The following SLC35F4 variants were observed in gnomAD, a reference collection of about 807,000 sequenced individuals.
SLC35F4 encodes the protein chromosome 14 open reading frame 36.
In SLC35F4, 24 loss-of-function variants were observed where a neutral mutation model predicts 44.2. The observed-to-expected ratio is 0.54, with a 90% CI of 0.39 to 0.76. The LOEUF is 0.76. Among genes scored for constraint, SLC35F4 ranks in the 30% least tolerant of loss-of-function variants. The pLI, the probability that SLC35F4 is intolerant of heterozygous loss-of-function variation, is 0.00. For synonymous variants in SLC35F4, 238 were observed against 223.6 expected (o/e 1.06, Z -0.57); for missense variants, 562 against 586.1 (o/e 0.96, Z 0.42).
chr14:57,956,910 T>C (rs1165396782), intron 1 of SLC35F4, among the ~76,000 whole-genome samples: 1 of 152,126 alleles, frequency 6.6e-6, no homozygotes, highest in Non-Finnish European at 1.5e-5. Flanking sequence ...GAACCAGAAA[T>C]ACCATTTGAC....
intron 1 of SLC35F4, among the ~76,000 whole-genome samples, chr14:57,673,722 A>G (rs1261847404): frequency 6.6e-6 from 1 of 152,056 alleles, no homozygotes; most frequent in African/African-American, 2.4e-5. Flanking sequence ...TTTTTTGAGG[A>G]AAACATATGA....
chr14:57,734,876 T>G (rs142424432), intron 1 of SLC35F4, among the ~76,000 whole-genome samples: 1 of 152,202 alleles, frequency 6.6e-6, no homozygotes. Context: ...CAGTATAAAA[T>G]AAGTCCCCAT....
In SLC35F4 at chr14:57,582,444, T is replaced by G. The variant is rs1487965550; in HGVS notation, c.588-1011A>C. 2.0e-5 allele frequency among the ~76,000 whole-genome samples: 3 copies of G among 152,240 alleles called. No homozygotes were observed. In the East Asian group the frequency reaches 5.8e-4, roughly 29 times the overall value. On this transcript the variant is annotated intron_variant, in intron 3 of 7. Transcript: ENST00000556826. ...CTCAAACTCTTAAGCTCAGGTGATCTGCTCACCTTGGCCTCCCAAAGTGCT... is the reference window on the plus strand; with the variant it reads ...CTCAAACTCTTAAGCTCAGGTGATCGGCTCACCTTGGCCTCCCAAAGTGCT...
intron 1 of SLC35F4, chr14:57,799,282 C>G (rs1448350991): frequency 1.3e-5 from 2 of 152,382 alleles, no homozygotes; most frequent in African/African-American, 4.8e-5. Flanking sequence ...TCCCACAGAT[C>G]TGTGCAACCC....
intron 1 of SLC35F4, among the ~76,000 whole-genome samples, chr14:57,900,256 C>T (rs1271585515): frequency 1.3e-5 from 2 of 152,214 alleles, no homozygotes; most frequent in Non-Finnish European, 2.9e-5. Context: ...GAACTTTCAA[C>T]CTCATCTCCA....
chr14:57,786,639 C>A (rs1198675394), intron 1 of SLC35F4, among the ~76,000 whole-genome samples: 1 of 152,174 alleles, frequency 6.6e-6, no homozygotes, highest in African/African-American at 2.4e-5. Flanking sequence ...GGTAGACTCA[C>A]TGAGTGGCTA....
chr14:57,700,830 AG>A (rs2075518440), intron 1 of SLC35F4, among the ~76,000 whole-genome samples: 1 of 152,090 alleles, frequency 6.6e-6, no homozygotes, highest in Non-Finnish European at 1.5e-5. Context: ...ACCTGAGCCT[AG>A]GGAGGCAGGT....
intron 1 of SLC35F4, among the ~76,000 whole-genome samples, chr14:57,699,334 G>A (rs1268495049): frequency 1.3e-5 from 2 of 152,130 alleles, no homozygotes; most frequent in Non-Finnish European, 2.9e-5. Flanking sequence ...TGATGAATAT[G>A]TCATGAAGAG....
downstream of SLC35F4, among the ~76,000 whole-genome samples, chr14:57,975,134 TAA>T (rs1293078303): frequency 6.6e-6 from 1 of 152,242 alleles, no homozygotes; most frequent in East Asian, 1.9e-4. Context: ...GTTTATTACA[TAA>T]AGAGTTGATC....
chr14:57,822,746 A>G (rs1461565467), intron 1 of SLC35F4, among the ~76,000 whole-genome samples: 1 of 152,180 alleles, frequency 6.6e-6, no homozygotes, highest in Non-Finnish European at 1.5e-5. Flanking sequence ...AACCTACCCT[A>G]AAATTCTGTG....
chr14:57,797,031 G>A (rs80179995), intron 1 of SLC35F4, among the ~76,000 whole-genome samples: 5,560 of 152,240 alleles, frequency 0.037, 158 homozygotes, highest in Non-Finnish European at 0.058. Context: ...TAATTTCAGG[G>A]CTCCTTCCTA....
At chr14:57,711,973 G>A (rs1293765496) in intron 1 of SLC35F4, among the ~76,000 whole-genome samples, 1 of 152,188 alleles carries the variant, frequency 6.6e-6, no homozygotes, top group East Asian at 1.9e-4. Flanking sequence ...CTAATTTTAA[G>A]TAAGAATCCA....
intron 1 of SLC35F4, among the ~76,000 whole-genome samples, chr14:57,855,262 G>A (rs868394031): frequency 3.3e-5 from 5 of 152,200 alleles, no homozygotes; most frequent in African/African-American, 1.2e-4. Context: ...CTACAGAATG[G>A]GAGAAAATTT....
intron 1 of SLC35F4, among the ~76,000 whole-genome samples, chr14:57,629,382 C>G (rs939563994): frequency 3.3e-5 from 5 of 152,100 alleles, no homozygotes; most frequent in Non-Finnish European, 7.4e-5. Flanking sequence ...TCCACTTAAA[C>G]TGCAGGAGAG....
In SLC35F4 at chr14:57,914,369, C is replaced by G. The variant is rs143824429; in HGVS notation, n.282+67544G>C. Among the ~76,000 whole-genome samples the G allele has an allele frequency of 4.6e-3, 697 of 152,282 alleles. 7 individuals are homozygous for G. The highest frequency in any genetic ancestry group is 0.016 in the African/African-American group (667 of 41,564). On this transcript the variant is annotated intron_variant and non_coding_transcript_variant, in intron 1 of 1. Coordinates refer to the SLC35F4 transcript ENST00000556568. ...ACAAGGTCAGGAGATTGAGACCATT[C>G]TGGCTAACACAGTGAAACGCTGTCT...
At chr14:57,982,517 G>C (rs938628449), upstream of SLC35F4, among the ~76,000 whole-genome samples, 1 of 151,998 alleles carries the variant, frequency 6.6e-6, no homozygotes, top group Non-Finnish European at 1.5e-5. Context: ...AAAAGCCAAC[G>C]AGAGCCAAGA....
In SLC35F4 at chr14:57,806,483, C is replaced by T. The variant is rs947130087; in HGVS notation, c.103+59240G>A. Among the ~76,000 whole-genome samples the T allele has an allele frequency of 3.9e-5, 6 of 152,162 alleles. No individual in the cohort carries two copies. In the East Asian group the frequency reaches 1.2e-3, roughly 29 times the overall value. ...TTTTAATTATTTTCAGCCAAATAGA[C>T]TGGCCTGCCTCAAAAGTTATATTAA... is the stretch of plus-strand genomic sequence containing the variant. On this transcript the variant is annotated intron_variant, in intron 1 of 7. Transcript: ENST00000556826.
intron 1 of SLC35F4, among the ~76,000 whole-genome samples, chr14:57,784,907 T>G (rs1260110044): frequency 6.6e-6 from 1 of 152,192 alleles, no homozygotes; most frequent in African/African-American, 2.4e-5. Context: ...CCACTTCCAC[T>G]TAATGAAGAG....
At position 57,865,733 on chromosome 14, in the gene SLC35F4, G is replaced by T; in HGVS notation, c.93C>A (p.Ser31=). ...CGCGCGGCGTCTTACTTTTCTGGCT[G>T]GAGTAACCTGGATAATAGCCATAGT... The part of the protein sequence containing the change: ...TGYYGYYPGY[S]SQKSTSRSSV... The change falls in exon 1 of 8, where the codon TCC becomes TCA. Residue 31 remains serine (S), a synonymous_variant. Transcript: ENST00000556826. The T allele has an allele frequency of 6.6e-7, 1 of 1,521,218 alleles. No individual in the cohort carries two copies. The highest frequency in any genetic ancestry group is 1.2e-5 in the South Asian group (1 of 81,730). The allele number at this position is 1,521,218 out of a possible 1,614,324, so 94.2% of individuals were successfully genotyped here.
Sources: allele counts gnomAD v4.1 joint callset (sites outside exome capture counted in the v4.1 genomes callset), GRCh38; gene constraint gnomAD v4.1.1; transcripts MANE v1.5; gene names NCBI Gene and HGNC (gene_info 2026-07-23, HGNC 2026-07-21).